The following SSH2 variants were observed in gnomAD, a reference collection of about 807,000 sequenced individuals.
SSH2 encodes protein phosphatase Slingshot homolog 2.
Under a neutral mutation model 135.2 loss-of-function variants are expected in SSH2, and 37 were observed. That is an observed-to-expected ratio of 0.27 (90% CI 0.21 to 0.36). The LOEUF is 0.36. Among genes scored for constraint, SSH2 ranks in the 10% least tolerant of loss-of-function variants. The pLI, the probability that SSH2 is intolerant of heterozygous loss-of-function variation, is 1.00. For synonymous variants in SSH2, 628 were observed against 646.2 expected (o/e 0.97, Z 0.43); for missense variants, 1,408 against 1,765.3 (o/e 0.80, Z 3.63).
chr17:29,767,335 C>T (rs1055829788), intron 3 of SSH2, among the ~76,000 whole-genome samples: 2 of 151,530 alleles, frequency 1.3e-5, no homozygotes, highest in African/African-American at 2.4e-5. Context: ...AACATTTAAC[C>T]ATTTAGTCCC....
intron 3 of SSH2, among the ~76,000 whole-genome samples, chr17:29,738,828 A>C (rs1192180025): frequency 6.6e-6 from 1 of 152,142 alleles, no homozygotes; most frequent in Non-Finnish European, 1.5e-5. Context: ...TGCTGGGATT[A>C]CAGGCGTGAG....
intron 14 of SSH2, among the ~76,000 whole-genome samples, chr17:29,647,397 C>T (rs1386195347): frequency 1.3e-5 from 2 of 151,092 alleles, no homozygotes; most frequent in Admixed American, 1.3e-4. Flanking sequence ...ATGAATGGGC[C>T]AAAAAATTTC....
intron 14 of SSH2, among the ~76,000 whole-genome samples, chr17:29,646,620 C>T (rs1475370543): frequency 1.3e-5 from 2 of 152,078 alleles, no homozygotes; most frequent in East Asian, 1.9e-4. Context: ...CTGCCTTAGC[C>T]TCCCGAATAG....
At chr17:29,860,871 A>T (rs1388364405) in intron 1 of SSH2, among the ~76,000 whole-genome samples, 1 of 151,226 alleles carries the variant, frequency 6.6e-6, no homozygotes, top group Admixed American at 6.6e-5. Flanking sequence ...TCAGCCTCCC[A>T]AGTAGCTGGG....
intron 14 of SSH2, among the ~76,000 whole-genome samples, chr17:29,641,454 T>A (rs2036156476): frequency 2.6e-5 from 4 of 152,042 alleles, no homozygotes; most frequent in African/African-American, 9.7e-5. Context: ...CTGGATGATA[T>A]AACCAAGTCT....
chr17:29,902,642 C>T (rs2066578580), intron 1 of SSH2, among the ~76,000 whole-genome samples: 1 of 151,984 alleles, frequency 6.6e-6, no homozygotes, highest in African/African-American at 2.4e-5. Flanking sequence ...ACTACTCAGT[C>T]TCTGAGAGTA....
chr17:29,681,122 C>T (rs944613330), intron 6 of SSH2, among the ~76,000 whole-genome samples: 12 of 151,420 alleles, frequency 7.9e-5, no homozygotes, highest in Non-Finnish European at 1.3e-4. Flanking sequence ...GGGCGGATCA[C>T]GAGGTCGAGA....
intron 2 of SSH2, among the ~76,000 whole-genome samples, chr17:29,813,028 A>ATG (rs1567989613): frequency 1.3e-5 from 2 of 152,236 alleles, no homozygotes; most frequent in Admixed American, 1.3e-4. Flanking sequence ...ACCGTATATA[A>ATG]AAGAATGAAT....
intron 1 of SSH2, among the ~76,000 whole-genome samples, chr17:29,879,379 T>G (rs532117087): frequency 3.3e-5 from 5 of 151,866 alleles, no homozygotes; most frequent in South Asian, 4.1e-4. Flanking sequence ...TGCTGTTTTT[T>G]TTTTTTTTTT....
intron 2 of SSH2, among the ~76,000 whole-genome samples, chr17:29,816,985 C>T (rs1800446452): frequency 6.6e-6 from 1 of 152,144 alleles, no homozygotes; most frequent in Non-Finnish European, 1.5e-5. Flanking sequence ...TGACAACCCA[C>T]CAGCTCATGT....
Position 29,632,310 on chromosome 17 carries a change from C to G in SSH2, c.2884G>C (p.Gly962Arg). Reference protein sequence around the residue: ...LKEPEMSKGKGKYSGSEAGSL... With the variant: ...LKEPEMSKGKRKYSGSEAGSL... Reference sequence around the variant, plus strand: ...CCAGCCTCAGACCCACTGTATTTCCCTTTGCCTTTGCTCATTTCTGGTTCC... The same window carrying G: ...CCAGCCTCAGACCCACTGTATTTCCGTTTGCCTTTGCTCATTTCTGGTTCC... The change falls in exon 16 of 16, where the codon GGG becomes CGG. Residue 962 changes from glycine (G) to arginine (R), a missense_variant. Physicochemically the swap from Gly to Arg is moderately radical, Grantham distance 125. Transcript: ENST00000540801. The G allele has an allele frequency of 6.2e-7, 1 of 1,614,064 alleles. No homozygotes were observed. Among genetic ancestry groups the G allele is most frequent in the Non-Finnish European group, 8.5e-7 (1 of 1,179,950 alleles).
At chr17:29,913,347 A>AAAAAAAAAAAAAAAATT in intron 1 of SSH2, among the ~76,000 whole-genome samples, 3 of 28,784 alleles carry the variant, frequency 1.0e-4, no homozygotes, top group Non-Finnish European at 1.2e-4. Context: ...AAAAAAAAAA[A>AAAAAAAAAAAAAAAATT]ATATATATAT....
intron 3 of SSH2, among the ~76,000 whole-genome samples, chr17:29,761,840 CATATGTGTGTGT>C (rs2041318788): frequency 1.5e-5 from 2 of 133,872 alleles, no homozygotes; most frequent in Admixed American, 1.5e-4. Context: ...CACTCACATA[CATATGTGTGTGT>C]GTGTGTGTGT....
chr17:29,929,600 C>A (rs763598746), intron 1 of SSH2, among the ~76,000 whole-genome samples: 1 of 152,020 alleles, frequency 6.6e-6, no homozygotes, highest in African/African-American at 2.4e-5. Flanking sequence ...CCCCTCCCTG[C>A]AGCAGAGCAA....
At chr17:29,671,336 A>G (rs1240008418) in intron 9 of SSH2, among the ~76,000 whole-genome samples, 1 of 152,156 alleles carries the variant, frequency 6.6e-6, no homozygotes, top group African/African-American at 2.4e-5. Flanking sequence ...TTTAAAAATT[A>G]GCCAGGTGTG....
intron 14 of SSH2, chr17:29,640,656 A>C (rs2036120568): frequency 6.6e-6 from 1 of 151,990 alleles, no homozygotes. Flanking sequence ...TCATTTTTGC[A>C]ATAGGACCTG....
chr17:29,723,509 C>T (rs538786231), intron 3 of SSH2, among the ~76,000 whole-genome samples: 98 of 152,256 alleles, frequency 6.4e-4, no homozygotes, highest in African/African-American at 2.2e-3. Flanking sequence ...GACTCAAGAA[C>T]ACTTTGGAAG....
intron 3 of SSH2, among the ~76,000 whole-genome samples, chr17:29,758,896 G>A (rs2041208305): frequency 6.6e-6 from 1 of 151,990 alleles, no homozygotes; most frequent in Non-Finnish European, 1.5e-5. Flanking sequence ...CTACAGGTGT[G>A]TAACACCACA....
intron 3 of SSH2, among the ~76,000 whole-genome samples, chr17:29,783,647 C>T (rs2041891842): frequency 6.6e-6 from 1 of 152,142 alleles, no homozygotes; most frequent in Non-Finnish European, 1.5e-5. Flanking sequence ...CCCTCACAGA[C>T]ACACCCAGGA....
Sources: allele counts gnomAD v4.1 joint callset (sites outside exome capture counted in the v4.1 genomes callset), GRCh38; gene constraint gnomAD v4.1.1; transcripts MANE v1.5; gene names NCBI Gene and HGNC (gene_info 2026-07-23, HGNC 2026-07-21).